The following PCDHA9 variants were observed in gnomAD, a reference collection of about 807,000 sequenced individuals.
The protein encoded by PCDHA9 is protocadherin alpha 9.
PCDHA9 carries 62 observed loss-of-function variants against 62.0 expected under a neutral mutation model. That is an observed-to-expected ratio of 1.00 (90% CI 0.81 to 1.23). The LOEUF (loss-of-function observed/expected upper bound fraction) is 1.23. Ranked by LOEUF, PCDHA9 falls within the 50% of genes most tolerant of loss-of-function variation. PCDHA9 has a pLI of 0.00. For missense variants in PCDHA9, 1,205 were observed against 1,249.8 expected (o/e 0.96, Z 0.54); for synonymous variants, 557 against 567.6 (o/e 0.98, Z 0.27).
intron 1 of PCDHA9, among the ~76,000 whole-genome samples, chr5:140,916,967 G>A (rs1215722713): frequency 2.6e-5 from 4 of 152,194 alleles, no homozygotes; most frequent in African/African-American, 9.7e-5. Context: ...TGACTGCTGG[G>A]ATGAGTGATT....
intron 1 of PCDHA9, among the ~76,000 whole-genome samples, chr5:140,954,639 T>A (rs1433862413): frequency 6.6e-6 from 1 of 152,240 alleles, no homozygotes; most frequent in East Asian, 1.9e-4. Flanking sequence ...TCTTGTAAAT[T>A]TGTTTAAGTT....
intron 1 of PCDHA9, among the ~76,000 whole-genome samples, chr5:140,953,567 C>G (rs1385823859): frequency 6.6e-6 from 1 of 152,018 alleles, no homozygotes; most frequent in Non-Finnish European, 1.5e-5. Flanking sequence ...TTTTAGTGCC[C>G]TCCTCTCCCA....
At chr5:140,924,751 C>T (rs1554202122) in intron 1 of PCDHA9, among the ~76,000 whole-genome samples, 39 of 151,566 alleles carry the variant, frequency 2.6e-4, no homozygotes, top group Non-Finnish European at 5.2e-4. Context: ...AAAAATTAAC[C>T]GAGCATGGTG....
rs782039603 is a variant in PCDHA9 at position 140,876,722 on chromosome 5, G to A, written c.2394+25833G>A. 2.5e-6 allele frequency: 4 copies of A among 1,614,134 alleles called. No individual in the cohort carries two copies. In the Admixed American group the frequency reaches 5.0e-5, roughly 20 times the overall value. On this transcript the variant is annotated intron_variant, in intron 1 of 3. Coordinates refer to ENST00000532602, the MANE Select transcript of PCDHA9 (RefSeq NM_031857.2). ...CTGGACAGCGCCCTGGACCGCGAGA[G>A]CGTGTCGGCCTATGAGCTGGTGGTG...
At chr5:140,915,023 G>A (rs1273717052) in intron 1 of PCDHA9, among the ~76,000 whole-genome samples, 3 of 147,742 alleles carry the variant, frequency 2.0e-5, no homozygotes, top group African/African-American at 7.5e-5. Context: ...TTGGCTCACT[G>A]CAACTTCTGC....
intron 1 of PCDHA9, chr5:140,868,886 A>G: frequency 1.4e-6 from 1 of 730,322 alleles, no homozygotes; most frequent in Non-Finnish European, 2.1e-6. Context: ...TCACAGTTTT[A>G]GGCGCAAGGT....
chr5:140,928,585 G>T, intron 1 of PCDHA9: 1 of 1,614,194 alleles, frequency 6.2e-7, no homozygotes, highest in Non-Finnish European at 8.5e-7. Context: ...AAATGGTTCT[G>T]TCCCAGTGGA....
chr5:140,903,859 T>C (rs2070674942), intron 1 of PCDHA9, among the ~76,000 whole-genome samples: 1 of 152,186 alleles, frequency 6.6e-6, no homozygotes, highest in Non-Finnish European at 1.5e-5. Context: ...ACAAATAATA[T>C]AGAGTAAAAT....
intron 1 of PCDHA9, chr5:140,869,467 G>A: frequency 6.2e-7 from 1 of 1,614,204 alleles, no homozygotes; most frequent in South Asian, 1.1e-5. Context: ...TGTGAACGTG[G>A]AGGTGAAGGA....
At chr5:140,982,660 T>C (rs2096994626) in intron 3 of PCDHA9, 97 bp downstream of exon 3, 2 of 1,482,562 alleles carry the variant, frequency 1.3e-6, no homozygotes, top group South Asian at 2.7e-5. Context: ...CTCTTTTTCT[T>C]TTATATTTTT....
At chr5:140,877,153 A>C in intron 1 of PCDHA9, 1 of 1,613,798 alleles carries the variant, frequency 6.2e-7, no homozygotes, top group Non-Finnish European at 8.5e-7. Flanking sequence ...CGAGAACGAC[A>C]ACGCGCCGGC....
At chr5:140,977,925 A>G (rs782072280) in intron 1 of PCDHA9, among the ~76,000 whole-genome samples, 8 of 152,152 alleles carry the variant, frequency 5.3e-5, no homozygotes, top group Non-Finnish European at 1.0e-4. Flanking sequence ...TTTTCATTCA[A>G]CTATACCTCA....
At chr5:140,945,125 T>G (rs405192) in intron 1 of PCDHA9, among the ~76,000 whole-genome samples, 86,337 of 151,830 alleles carry the variant, frequency 0.57, 25,231 homozygotes, top group African/African-American at 0.71. Flanking sequence ...AAAAATCAAC[T>G]TACAAAAATC....
intron 1 of PCDHA9, among the ~76,000 whole-genome samples, chr5:140,974,144 A>G (rs868918794): frequency 5.9e-5 from 9 of 152,268 alleles, no homozygotes; most frequent in African/African-American, 1.7e-4. Context: ...CCTGAAAACT[A>G]TACAAGGGTT....
intron 1 of PCDHA9, among the ~76,000 whole-genome samples, chr5:140,935,339 A>G (rs1048024159): frequency 1.3e-5 from 2 of 152,180 alleles, no homozygotes; most frequent in Admixed American, 6.5e-5. Context: ...TTTCTCCCAT[A>G]CGTCAAATCC....
chr5:140,989,350 T>G (rs188962457), intron 3 of PCDHA9, among the ~76,000 whole-genome samples: 17 of 152,274 alleles, frequency 1.1e-4, no homozygotes, highest in African/African-American at 3.9e-4. Context: ...TCAAAGGTGA[T>G]AGGTCACCTG....
intron 1 of PCDHA9, among the ~76,000 whole-genome samples, chr5:140,878,983 AGAAAT>A (rs2153364854): frequency 6.6e-6 from 1 of 152,352 alleles, no homozygotes; most frequent in Non-Finnish European, 1.5e-5. Flanking sequence ...CCTCTATCTT[AGAAAT>A]GAGAGTATGC....
At chr5:140,941,211 C>CTT (rs59928198) in intron 1 of PCDHA9, among the ~76,000 whole-genome samples, 19 of 129,722 alleles carry the variant, frequency 1.5e-4, no homozygotes, top group African/African-American at 5.2e-4. Flanking sequence ...TCCTTTCTTT[C>CTT]TTCCTTTCTT....
At chr5:140,883,971 C>G in intron 1 of PCDHA9, 1 of 1,613,030 alleles carries the variant, frequency 6.2e-7, no homozygotes. Context: ...CTGCTGACGC[C>G]CGGGGCTGGC....
Sources: allele counts gnomAD v4.1 joint callset (sites outside exome capture counted in the v4.1 genomes callset), GRCh38; gene constraint gnomAD v4.1.1; transcripts MANE v1.5; gene names NCBI Gene and HGNC (gene_info 2026-07-23, HGNC 2026-07-21).